LYPD6: variants seen among roughly 807,000 people sequenced by gnomAD.
The protein encoded by LYPD6 is ly6/PLAUR domain-containing protein 6.
LYPD6 carries 15 observed loss-of-function variants against 22.7 expected under a neutral mutation model. The observed-to-expected ratio is 0.66, with a 90% confidence interval of 0.44 to 1.02. The LOEUF (loss-of-function observed/expected upper bound fraction) is 1.02. LYPD6 is among the 50% of genes least tolerant of loss of function. The pLI is 0.00. For missense variants in LYPD6, 189 were observed against 208.4 expected, an observed-to-expected ratio of 0.91 and a Z score of 0.57; for synonymous variants, 72 against 77.5, an observed-to-expected ratio of 0.93 and a Z score of 0.37.
chr2:149,478,916 T>C (rs1573841308), downstream of LYPD6, among the ~76,000 whole-genome samples: 1 of 152,106 alleles, frequency 6.6e-6, no homozygotes, highest in South Asian at 2.1e-4. Context: ...CAAAGGAAAA[T>C]TGACCTAAAC....
chr2:149,431,061 ATAAAACC>A (rs1165214129), intron 1 of LYPD6, among the ~76,000 whole-genome samples: 1 of 152,206 alleles, frequency 6.6e-6, no homozygotes. Context: ...ATCCATTGGA[ATAAAACC>A]AGCAGTTGAG....
At chr2:149,460,101 T>C (rs1681054301) in intron 3 of LYPD6, among the ~76,000 whole-genome samples, 1 of 152,020 alleles carries the variant, frequency 6.6e-6, no homozygotes, top group African/African-American at 2.4e-5. Context: ...AATGGAATTC[T>C]AAAAAACATT....
intron 1 of LYPD6, among the ~76,000 whole-genome samples, chr2:149,334,117 A>G (rs947952735): frequency 2.6e-5 from 4 of 152,216 alleles, no homozygotes; most frequent in Admixed American, 1.3e-4. Flanking sequence ...GGGAAAGTAA[A>G]GAAAAGAAAA....
the LYPD6 span, among the ~76,000 whole-genome samples, chr2:149,484,801 G>A: frequency 6.6e-6 from 1 of 151,910 alleles, no homozygotes; most frequent in East Asian, 1.9e-4. Context: ...AGTAATTTAG[G>A]TTAAAAAAAA....
chr2:149,332,610 G>T (rs929149786), intron 1 of LYPD6, among the ~76,000 whole-genome samples: 1 of 152,190 alleles, frequency 6.6e-6, no homozygotes, highest in African/African-American at 2.4e-5. Flanking sequence ...CAATAGCAGA[G>T]TTCAGTCAAG....
chr2:149,440,693 CTTTTTTT>C lies in LYPD6; in HGVS notation c.118+2886_118+2892del, dbSNP rs764789006. 4.4e-5 allele frequency among the ~76,000 whole-genome samples: 4 copies of C among 91,096 alleles called. 1 individual carries two copies. The Middle Eastern group carries it at 0.031, about 712-fold the overall frequency. The allele number at this position is 91,096 out of a possible 152,430, so 59.8% of individuals were successfully genotyped here. On this transcript the variant is annotated intron_variant, in intron 2 of 4. Coordinates refer to ENST00000334166, the MANE Select transcript of LYPD6 (RefSeq NM_194317.5). The stretch of plus-strand genomic sequence containing the variant: ...CCAGAACTTCGTTTATTCTGTCCAC[CTTTTTTT>C]TTTTTTTTTTTTTTTTTTGAGACAG...
chr2:149,382,796 C>G (rs996107943), intron 1 of LYPD6, among the ~76,000 whole-genome samples: 1 of 58,412 alleles, frequency 1.7e-5, no homozygotes, highest in East Asian at 2.0e-3. Context: ...ATTCTGTTAG[C>G]TCATTAATAT....
At position 149,439,834 on chromosome 2, in the gene LYPD6, G is replaced by A. The variant is rs1037820850; in HGVS notation, c.118+2008G>A. ...GCCATGGCCTGATTAGAAGAAACTC[G>A]CCATATGTAAAGAATTAGTAGGGCT... On this transcript the variant is annotated intron_variant, in intron 2 of 4. Coordinates refer to ENST00000334166, the MANE Select transcript of LYPD6 (RefSeq NM_194317.5). 5 of 152,124 alleles carry A rather than the reference G, an allele frequency of 3.3e-5. No homozygotes were observed. In the South Asian group the frequency reaches 6.2e-4, roughly 19 times the overall value. The allele number at this position is 152,124 out of a possible 1,614,324, so 9.4% of individuals were successfully genotyped here. A position where few individuals can be genotyped will look rare whatever the true frequency, so the allele number is the denominator to read the frequency against.
At chr2:149,478,397 T>TGTGTGTGTGTGTGTGTGTGTGTGC (rs1180278588), downstream of LYPD6, among the ~76,000 whole-genome samples, 1 of 66,826 alleles carries the variant, frequency 1.5e-5, no homozygotes, top group African/African-American at 3.8e-5. Flanking sequence ...TGTGTGTGTG[T>TGTGTGTGTGTGTGTGTGTGTGTGC]GTGCGCGCAC....
At chr2:149,423,520 C>A (rs1683126478) in intron 1 of LYPD6, among the ~76,000 whole-genome samples, 1 of 152,100 alleles carries the variant, frequency 6.6e-6, no homozygotes, top group African/African-American at 2.4e-5. Context: ...TGCTATGTTT[C>A]TGCTGACTGT....
At chr2:149,341,883 A>T (rs991153961) in intron 1 of LYPD6, among the ~76,000 whole-genome samples, 9 of 152,170 alleles carry the variant, frequency 5.9e-5, no homozygotes, top group Non-Finnish European at 1.3e-4. Context: ...CCATCTCTTA[A>T]TACTGTCACA....
At chr2:149,339,344 A>G (rs1034895144) in intron 1 of LYPD6, among the ~76,000 whole-genome samples, 1 of 152,328 alleles carries the variant, frequency 6.6e-6, no homozygotes, top group East Asian at 1.9e-4. Flanking sequence ...ATCGTGGCTT[A>G]GAAGCCTCAT....
At chr2:149,331,331 T>G (rs1680934496) in intron 1 of LYPD6, among the ~76,000 whole-genome samples, 1 of 152,220 alleles carries the variant, frequency 6.6e-6, no homozygotes, top group South Asian at 2.1e-4. Context: ...CTTGGCGACC[T>G]GTTTTTCTCT....
Position 149,453,917 on chromosome 2 carries a change from G to A in LYPD6, c.217+4770G>A, listed in dbSNP as rs144002618. Among the ~76,000 whole-genome samples the A allele has an allele frequency of 4.4e-3, 670 of 152,242 alleles. 6 individuals carry two copies. Among genetic ancestry groups the A allele is most frequent in the African/African-American group, 0.015 (625 of 41,544 alleles). The stretch of plus-strand genomic sequence containing the variant: ...GAATCCCATGGGGACCCAACGCCTT[G>A]CAATTTATTATGGCTTATCTTTTAA... On this transcript the variant is annotated intron_variant, in intron 3 of 4. Transcript: ENST00000334166.
chr2:149,336,486 A>G (rs985200121), intron 1 of LYPD6, among the ~76,000 whole-genome samples: 1 of 152,242 alleles, frequency 6.6e-6, no homozygotes, highest in African/African-American at 2.4e-5. Flanking sequence ...TCTCTAAAAC[A>G]CATGTGTCCA....
At chr2:149,424,310 A>G (rs139728939) in intron 1 of LYPD6, among the ~76,000 whole-genome samples, 9 of 152,350 alleles carry the variant, frequency 5.9e-5, no homozygotes, top group South Asian at 2.1e-4. Context: ...AGTAAAAAGT[A>G]TGTCATCTTA....
At chr2:149,334,653 G>T (rs1456566506) in intron 1 of LYPD6, among the ~76,000 whole-genome samples, 1 of 152,184 alleles carries the variant, frequency 6.6e-6, no homozygotes, top group Non-Finnish European at 1.5e-5. Flanking sequence ...CCAGTCAGGG[G>T]AGGGGTTTCC....
chr2:149,447,409 G>A (rs1683712558), intron 2 of LYPD6, among the ~76,000 whole-genome samples: 1 of 152,204 alleles, frequency 6.6e-6, no homozygotes, highest in Non-Finnish European at 1.5e-5. Context: ...AGAGATAAGT[G>A]GGGCTTCCTG....
At chr2:149,348,852 G>A (rs1261100604) in intron 1 of LYPD6, among the ~76,000 whole-genome samples, 1 of 152,194 alleles carries the variant, frequency 6.6e-6, no homozygotes, top group Non-Finnish European at 1.5e-5. Flanking sequence ...AGCAGTCCAG[G>A]TGTTGGCTTA....
Sources: gnomAD v4.1 joint callset for allele counts (sites outside exome capture counted in the v4.1 genomes callset) on GRCh38, gnomAD v4.1.1 for gene constraint, MANE v1.5 for transcripts, NCBI Gene and HGNC (gene_info 2026-07-23, HGNC 2026-07-21) for gene names.